Variants in SLF1 observed in about 807,000 individuals in gnomAD.
SLF1 encodes the protein SMC5-SMC6 complex localization factor protein 1.
SLF1 carries 105 observed loss-of-function variants against 123.0 expected under a neutral mutation model. The ratio of observed to expected loss-of-function variants is 0.85; its 90% confidence interval spans 0.73 to 1.00. SLF1 has a LOEUF of 1.00. Ranked by LOEUF, SLF1 falls within the 50% of genes least tolerant of loss-of-function variation. The probability of loss-of-function intolerance (pLI) is 0.00; values close to 1 mark genes in which losing one functional copy is unlikely to be tolerated. For missense variants in SLF1, 1,239 were observed against 1,223.0 expected, an observed-to-expected ratio of 1.01 and a Z score of -0.20; for synonymous variants, 434 against 406.6, an observed-to-expected ratio of 1.07 and a Z score of -0.81.
chr5:94,631,991 A>G (rs1254506419), intron 4 of SLF1, among the ~76,000 whole-genome samples: 1 of 133,052 alleles, frequency 7.5e-6, no homozygotes, highest in Admixed American at 7.5e-5. Flanking sequence ...TTTTTTTTCC[A>G]AATTAAATTA....
At chr5:94,659,431 T>G (rs1372987781) in intron 9 of SLF1, among the ~76,000 whole-genome samples, 1 of 152,242 alleles carries the variant, frequency 6.6e-6, no homozygotes, top group Non-Finnish European at 1.5e-5. Context: ...ATAGTTATGT[T>G]GCTATCTGTG....
intron 14 of SLF1, among the ~76,000 whole-genome samples, chr5:94,673,869 G>GT (rs1376491861): frequency 6.6e-6 from 1 of 151,770 alleles, no homozygotes; most frequent in African/African-American, 2.4e-5. Context: ...AAAACGGGAA[G>GT]ATTGCTCTGA....
At chr5:94,677,384 T>G (rs1751201717) in intron 14 of SLF1, among the ~76,000 whole-genome samples, 1 of 152,184 alleles carries the variant, frequency 6.6e-6, no homozygotes. Context: ...TTTTAATAAA[T>G]ATTGTGATAA....
chr5:94,630,742 A>T lies in SLF1; in HGVS notation c.430A>T (p.Arg144Ter), dbSNP rs1417759070. The change falls in exon 4 of 21, where the codon AGA becomes TGA. Residue 144 changes from arginine to a stop codon, truncating the protein, a stop_gained and splice_region_variant. Transcript: ENST00000265140. LOFTEE classifies it high-confidence loss of function. ...RTDKRSDSLI[R>*]VLEAGKANVI... ...TGATAAGCGAAGTGATTCTCTTATA[A>T]GGTAGGATGTGATTACATAAAAGCT... is the stretch of plus-strand genomic sequence containing the variant. The T allele has an allele frequency of 4.5e-6, 7 of 1,547,226 alleles. No homozygotes were observed. In the South Asian group the frequency reaches 8.4e-5, roughly 19 times the overall value.
chr5:94,685,840 A>G (rs1279337793), intron 15 of SLF1, among the ~76,000 whole-genome samples: 2 of 152,094 alleles, frequency 1.3e-5, no homozygotes, highest in Non-Finnish European at 2.9e-5. Flanking sequence ...TCTCAAAAAA[A>G]AAAAAAAAAT....
At chr5:94,624,998 A>G (rs57188935) in intron 1 of SLF1, among the ~76,000 whole-genome samples, 33,536 of 150,770 alleles carry the variant, frequency 0.22, 3,858 homozygotes, top group East Asian at 0.34. Context: ...CATCCTAGAT[A>G]ACACAGTGAA....
At chr5:94,677,633 A>AT (rs894585059) in intron 14 of SLF1, among the ~76,000 whole-genome samples, 8 of 152,008 alleles carry the variant, frequency 5.3e-5, no homozygotes, top group South Asian at 2.1e-4. Flanking sequence ...TAATTTAGTG[A>AT]TTTTTTTTCC....
intron 14 of SLF1, among the ~76,000 whole-genome samples, chr5:94,676,669 G>A (rs1394929646): frequency 6.6e-6 from 1 of 152,202 alleles, no homozygotes; most frequent in African/African-American, 2.4e-5. Flanking sequence ...AGCCCTACAC[G>A]AATGCAGTAT....
At chr5:94,648,036 T>C (rs1747263817) in intron 5 of SLF1, among the ~76,000 whole-genome samples, 1 of 152,210 alleles carries the variant, frequency 6.6e-6, no homozygotes, top group South Asian at 2.1e-4. Flanking sequence ...AGAATGTATA[T>C]GGGATTAATT....
intron 7 of SLF1, among the ~76,000 whole-genome samples, chr5:94,652,255 C>A (rs1179772305): frequency 6.6e-6 from 1 of 152,136 alleles, no homozygotes. Context: ...GTAATCTGCC[C>A]ACCTCCGCCT....
rs554757971 is a variant in SLF1 at position 94,654,483 on chromosome 5, G to A, written c.1033-147G>A. The A allele has an allele frequency of 7.2e-5, 30 of 414,632 alleles. No homozygotes were observed. The South Asian group carries it at 2.7e-3, about 37-fold the overall frequency. The allele number at this position is 414,632 out of a possible 1,614,324, so 25.7% of individuals were successfully genotyped here. A position where few individuals can be genotyped will look rare whatever the true frequency, so the allele number is the denominator to read the frequency against. ...TGCTTTTTGAGCTTTTTCTTTCATT[G>A]TGTAATCTTGATATATGATTGTGAG... On this transcript the variant is annotated intron_variant, in intron 8 of 20. Transcript: ENST00000265140.
chr5:94,670,681 G>A (rs1750336714), intron 13 of SLF1, among the ~76,000 whole-genome samples, 162 bp from the exon 14 acceptor site: 2 of 151,190 alleles, frequency 1.3e-5, no homozygotes, highest in African/African-American at 4.9e-5. Context: ...ATTGAACTGG[G>A]GCCATTTTTT....
chr5:94,649,350 G>C (rs917057745), intron 5 of SLF1, 104 bp from the exon 6 acceptor site: 2 of 978,288 alleles, frequency 2.0e-6, no homozygotes, highest in African/African-American at 3.3e-5. Context: ...TTACCTACTT[G>C]TTTGACTAAC....
intron 15 of SLF1, among the ~76,000 whole-genome samples, chr5:94,682,657 GATAA>G (rs1458081864): frequency 6.6e-6 from 1 of 152,154 alleles, no homozygotes; most frequent in Non-Finnish European, 1.5e-5. Flanking sequence ...TATTTTAGAA[GATAA>G]ATAAAATTTT....
Position 94,665,901 on chromosome 5 carries a change from T to C in SLF1, c.1409T>C (p.Leu470Ser). 1 of 1,549,688 alleles carries C rather than the reference T, an allele frequency of 6.5e-7. No individual in the cohort carries two copies. The highest frequency in any genetic ancestry group is 8.7e-7 in the Non-Finnish European group (1 of 1,145,082). Residue 470 changes from leucine to serine, a missense_variant, in exon 12 of 21, where the codon TTG (leucine) becomes TCG (serine). By Grantham distance (145) the Leu-to-Ser change is moderately radical. Coordinates refer to ENST00000265140, the MANE Select transcript of SLF1 (RefSeq NM_032290.4). The stretch of plus-strand genomic sequence containing the variant: ...TTTTCTGGTCGATACTTTCATATAT[T>C]GTCAGCTCTTCTTCACCTGCATCCT... ...DTFSGRYFHI[L>S]SALLHLHPPW...
intron 5 of SLF1, 78 bp from the exon 6 acceptor site, chr5:94,649,370 TAGTTAA>T: frequency 8.9e-7 from 1 of 1,124,956 alleles, no homozygotes; most frequent in Non-Finnish European, 1.2e-6. Flanking sequence ...CAAAGTATTA[TAGTTAA>T]AGTTGAGTAC....
At chr5:94,645,488 C>T (rs1028419038) in intron 5 of SLF1, among the ~76,000 whole-genome samples, 9 of 151,988 alleles carry the variant, frequency 5.9e-5, no homozygotes, top group East Asian at 1.9e-4. Context: ...TCTGATAGAC[C>T]GCTCGGAATA....
At chr5:94,659,429 G>T (rs1310181357) in intron 9 of SLF1, among the ~76,000 whole-genome samples, 2 of 152,024 alleles carry the variant, frequency 1.3e-5, no homozygotes, top group African/African-American at 4.8e-5. Context: ...GCATAGTTAT[G>T]TTGCTATCTG....
rs1351017185 is a variant in SLF1 at position 94,696,432 on chromosome 5, A to C, written c.*1120A>C. On this transcript the variant is annotated 3_prime_UTR_variant, in exon 21 of 21. Transcript: ENST00000265140. ...AAAACTGCTATATCAGTATGAAAAA[A>C]TATTTTAAATAAGTACTTTTTCCAC... 1.3e-5 allele frequency: 2 copies of C among 151,840 alleles called. No homozygotes were observed. Among genetic ancestry groups the C allele is most frequent in the African/African-American group, 4.8e-5 (2 of 41,406 alleles). The allele number at this position is 151,840 out of a possible 1,614,324, so 9.4% of individuals were successfully genotyped here.
Sources: allele counts gnomAD v4.1 joint callset (sites outside exome capture counted in the v4.1 genomes callset), GRCh38; gene constraint gnomAD v4.1.1; transcripts MANE v1.5; gene names NCBI Gene and HGNC (gene_info 2026-07-23, HGNC 2026-07-21).